The following DGKB variants were observed in gnomAD, a reference collection of about 807,000 sequenced individuals.
The protein encoded by DGKB is diacylglycerol kinase beta.
A neutral mutation model predicts 114.3 loss-of-function variants in DGKB; 67 were observed. The ratio of observed to expected loss-of-function variants is 0.59; its 90% confidence interval spans 0.48 to 0.72. The LOEUF (loss-of-function observed/expected upper bound fraction) is 0.72, where lower values mean the gene tolerates loss of function less well. Ranked by LOEUF, DGKB falls within the 30% of genes least tolerant of loss-of-function variation. DGKB has a pLI of 0.00. For synonymous variants in DGKB, 398 were observed against 323.1 expected, an observed-to-expected ratio of 1.23 and a Z score of -2.49; for missense variants, 907 against 975.2, an observed-to-expected ratio of 0.93 and a Z score of 0.93.
At chr7:14,641,636 A>G (rs1811823455) in intron 13 of DGKB, among the ~76,000 whole-genome samples, 1 of 152,112 alleles carries the variant, frequency 6.6e-6, no homozygotes, top group Non-Finnish European at 1.5e-5. Context: ...TTGATGCTCC[A>G]CCAGATTTCA....
chr7:14,913,892 C>T (rs1784111175), intron 1 of DGKB, among the ~76,000 whole-genome samples: 2 of 151,842 alleles, frequency 1.3e-5, no homozygotes, highest in African/African-American at 4.8e-5. Context: ...AAACTACTAC[C>T]CACAAAATCG....
chr7:14,249,990 C>T (rs1156541353), intron 23 of DGKB, among the ~76,000 whole-genome samples: 1 of 151,620 alleles, frequency 6.6e-6, no homozygotes, highest in Non-Finnish European at 1.5e-5. Flanking sequence ...AGTCTTGTTA[C>T]ATTACCCAGG....
chr7:14,805,895 T>A (rs1379700663), intron 2 of DGKB, among the ~76,000 whole-genome samples: 1 of 150,360 alleles, frequency 6.7e-6, no homozygotes, highest in Non-Finnish European at 1.5e-5. Context: ...ATATATTTTA[T>A]ATTTATAATA....
intron 21 of DGKB, among the ~76,000 whole-genome samples, chr7:14,354,724 A>C (rs1412858843): frequency 2.6e-5 from 4 of 152,202 alleles, no homozygotes; most frequent in Non-Finnish European, 5.9e-5. Flanking sequence ...GCAATCTGGA[A>C]GTTAATTTGG....
At chr7:14,661,570 G>C (rs1021850678) in intron 13 of DGKB, among the ~76,000 whole-genome samples, 4 of 151,750 alleles carry the variant, frequency 2.6e-5, no homozygotes, top group African/African-American at 9.7e-5. Context: ...TGCTGGAGAG[G>C]ATGTGGAGAA....
At position 14,629,387 on chromosome 7, in the gene DGKB, C is replaced by T. The variant is rs188195313; in HGVS notation, c.1167+849G>A. Among the ~76,000 whole-genome samples, 309 of 151,596 alleles carry T rather than the reference C, an allele frequency of 2.0e-3. 1 individual carries two copies. The highest frequency in any genetic ancestry group is 3.2e-3 in the Non-Finnish European group (218 of 67,828). On this transcript the variant is annotated intron_variant, in intron 14 of 25. Transcript: ENST00000402815. ...AATGAGAACTTTTTTTTTAATTTAA[C>T]GAAGAGGTCTACACTGATTAAAAAG...
intron 23 of DGKB, among the ~76,000 whole-genome samples, chr7:14,232,319 C>T (rs1256331492): frequency 6.7e-6 from 1 of 148,764 alleles, no homozygotes; most frequent in Non-Finnish European, 1.5e-5. Flanking sequence ...TCTTTTTAGG[C>T]AAAAGGCTGC....
intron 9 of DGKB, among the ~76,000 whole-genome samples, chr7:14,693,528 G>C: frequency 6.6e-6 from 1 of 151,398 alleles, no homozygotes; most frequent in East Asian, 2.0e-4. Flanking sequence ...TGCTGATACA[G>C]GAAAAACTTA....
At chr7:14,689,160 CA>C (rs201979677) in intron 9 of DGKB, among the ~76,000 whole-genome samples, 11 of 137,034 alleles carry the variant, frequency 8.0e-5, no homozygotes, top group South Asian at 4.7e-4. Context: ...CCAAGGTCTC[CA>C]AAAAAAAAAT....
chr7:14,729,072 T>G lies in DGKB; in HGVS notation c.322+6969A>C, dbSNP rs538618234. Among the ~76,000 whole-genome samples the G allele has an allele frequency of 1.8e-4, 27 of 151,912 alleles. No individual in the cohort carries two copies. In the South Asian group the frequency reaches 5.2e-3, roughly 29 times the overall value. ...CTGATATGGTACACGTATTTACTTT[T>G]CTGTATGTCTGCCTCTCCCCACTAG... On this transcript the variant is annotated intron_variant, in intron 5 of 25. Coordinates refer to ENST00000402815, the MANE Select transcript of DGKB (RefSeq NM_001350709.2).
At chr7:14,497,516 G>T (rs1390053414) in intron 20 of DGKB, among the ~76,000 whole-genome samples, 1 of 151,580 alleles carries the variant, frequency 6.6e-6, no homozygotes, top group Non-Finnish European at 1.5e-5. Flanking sequence ...TATGTTCCTA[G>T]GCTCTCCTAA....
intron 13 of DGKB, among the ~76,000 whole-genome samples, chr7:14,647,157 A>T (rs1192666279): frequency 6.6e-6 from 1 of 152,086 alleles, no homozygotes; most frequent in Non-Finnish European, 1.5e-5. Context: ...AATACAAAGG[A>T]TCATTAGAAA....
intron 21 of DGKB, among the ~76,000 whole-genome samples, chr7:14,416,932 T>C (rs10252931): frequency 6.6e-6 from 1 of 152,068 alleles, no homozygotes. Context: ...AACAAGATTG[T>C]CGTCTGCTCC....
At chr7:14,897,838 G>C (rs373174719) in intron 1 of DGKB, among the ~76,000 whole-genome samples, 222 of 151,912 alleles carry the variant, frequency 1.5e-3, no homozygotes, top group Middle Eastern at 6.8e-3. Context: ...TGGGCAGGGG[G>C]CAAAGGCAAA....
chr7:14,704,287 A>T (rs1825755575), intron 6 of DGKB, among the ~76,000 whole-genome samples: 1 of 150,206 alleles, frequency 6.7e-6, no homozygotes, highest in Non-Finnish European at 1.5e-5. Context: ...TACAAAAAAA[A>T]AAAAAAAAAA....
chr7:14,622,223 C>T (rs1310459014), intron 14 of DGKB, among the ~76,000 whole-genome samples: 1 of 152,074 alleles, frequency 6.6e-6, no homozygotes, highest in African/African-American at 2.4e-5. Flanking sequence ...TCTTTGAAAA[C>T]TTGCCTCACG....
At chr7:14,659,812 G>C (rs958499732) in intron 13 of DGKB, among the ~76,000 whole-genome samples, 4 of 151,356 alleles carry the variant, frequency 2.6e-5, no homozygotes, top group Admixed American at 2.0e-4. Flanking sequence ...TCTTGTGCCA[G>C]TTTTCAAAGG....
intron 6 of DGKB, among the ~76,000 whole-genome samples, chr7:14,706,994 C>T (rs1403053159): frequency 1.3e-5 from 2 of 149,996 alleles, no homozygotes; most frequent in African/African-American, 4.9e-5. Context: ...AATAGAGACA[C>T]AAAAAACCCT....
At chr7:14,460,015 G>A (rs1282639025) in intron 21 of DGKB, among the ~76,000 whole-genome samples, 1 of 152,134 alleles carries the variant, frequency 6.6e-6, no homozygotes, top group Non-Finnish European at 1.5e-5. Flanking sequence ...GTAAGGGAAG[G>A]AGAAATAAAA....
Sources: allele counts gnomAD v4.1 joint callset (sites outside exome capture counted in the v4.1 genomes callset), GRCh38; gene constraint gnomAD v4.1.1; transcripts MANE v1.5; gene names NCBI Gene and HGNC (gene_info 2026-07-23, HGNC 2026-07-21).